Variants in CEP63 observed in about 807,000 individuals in gnomAD.
CEP63 encodes centrosomal protein 63, also known as centrosomal protein of 63 kDa.
A neutral mutation model predicts 89.1 loss-of-function variants in CEP63; 84 were observed. That is an observed-to-expected ratio of 0.94 (90% CI 0.79 to 1.13). The LOEUF (loss-of-function observed/expected upper bound fraction) is 1.13, where lower values mean the gene tolerates loss of function less well. Ranked by LOEUF, CEP63 falls within the 50% of genes most tolerant of loss-of-function variation. The pLI is 0.00. For missense variants in CEP63, 838 were observed against 813.3 expected, an observed-to-expected ratio of 1.03 and a Z score of -0.37; for synonymous variants, 267 against 272.5, an observed-to-expected ratio of 0.98 and a Z score of 0.20.
the CEP63 span, among the ~76,000 whole-genome samples, chr3:134,661,816 CT>C: frequency 1.3e-5 from 2 of 151,270 alleles, no homozygotes; most frequent in Non-Finnish European, 3.0e-5. Flanking sequence ...TGCCCCCCCC[CT>C]CAAATTCATA....
At chr3:134,533,973 T>A (rs141088107) in intron 5 of CEP63, among the ~76,000 whole-genome samples, 6 of 152,200 alleles carry the variant, frequency 3.9e-5, no homozygotes, top group African/African-American at 1.4e-4. Flanking sequence ...CAATACCTTT[T>A]CCCCCCAAAC....
At chr3:134,643,318 T>C in the CEP63 span, 3 of 1,613,710 alleles carry the variant, frequency 1.9e-6, no homozygotes, top group Non-Finnish European at 2.5e-6. Flanking sequence ...TCACTTACCT[T>C]GGCTGTTGTA....
At position 134,549,159 on chromosome 3, in the gene CEP63, A is replaced by G. The variant is rs777367621; in HGVS notation, c.1165A>G (p.Lys389Glu). Residue 389 changes from lysine to glutamate, a missense_variant, in exon 10 of 15, where the codon AAA becomes GAA. Lys to Glu is a moderately conservative substitution (Grantham distance 56, BLOSUM62 1). Coordinates refer to ENST00000675561, the MANE Select transcript of CEP63 (RefSeq NM_001353108.3). Reference protein sequence around the residue: ...KRMEAHNNEYKAEIKKLKEQI... With the variant: ...KRMEAHNNEYEAEIKKLKEQI... ...GATGGAAGCACATAACAATGAATAC[A>G]AAGCAGAGATTAAGAAGGTAAAAAT... The G allele has an allele frequency of 3.7e-6, 6 of 1,608,292 alleles. No homozygotes were observed. Among genetic ancestry groups the G allele is most frequent in the Non-Finnish European group, 5.1e-6 (6 of 1,174,756 alleles).
the CEP63 span, among the ~76,000 whole-genome samples, chr3:134,673,644 G>A: frequency 6.6e-6 from 1 of 152,106 alleles, no homozygotes; most frequent in African/African-American, 2.4e-5. Context: ...ACCCTGGATT[G>A]TCTCATCTCC....
intron 12 of CEP63, among the ~76,000 whole-genome samples, chr3:134,555,459 A>T (rs1315764537): frequency 1.3e-5 from 2 of 150,406 alleles, no homozygotes; most frequent in Non-Finnish European, 3.0e-5. Context: ...AAAAATCACA[A>T]GCATTCTTAT....
chr3:134,731,766 C>T, the CEP63 span, among the ~76,000 whole-genome samples: 2 of 152,072 alleles, frequency 1.3e-5, no homozygotes, highest in Non-Finnish European at 2.9e-5. Flanking sequence ...TGCTGCTGAA[C>T]ATCTGTAGGG....
the CEP63 span, among the ~76,000 whole-genome samples, chr3:134,754,298 C>T: frequency 6.6e-6 from 1 of 152,224 alleles, no homozygotes; most frequent in Non-Finnish European, 1.5e-5. Flanking sequence ...AGCAGTGGGG[C>T]TAATGCTCAG....
chr3:134,596,914 G>A, the CEP63 span, among the ~76,000 whole-genome samples: 3 of 152,314 alleles, frequency 2.0e-5, no homozygotes, highest in Admixed American at 2.0e-4. Flanking sequence ...CTGACAGAGT[G>A]GTGGGCTGGC....
chr3:134,595,172 T>C, the CEP63 span, among the ~76,000 whole-genome samples: 1 of 152,170 alleles, frequency 6.6e-6, no homozygotes, highest in Admixed American at 6.5e-5. Context: ...AATTTAATCA[T>C]GGGGGTGGTT....
intron 2 of CEP63, among the ~76,000 whole-genome samples, 168 bp downstream of exon 2, chr3:134,495,532 C>T (rs1434263681): frequency 6.6e-6 from 1 of 152,084 alleles, no homozygotes; most frequent in Non-Finnish European, 1.5e-5. Context: ...GGGAACATTT[C>T]AATTCTTCTA....
chr3:134,563,009 TGTCTTAGATACCTA>T lies in CEP63; in HGVS notation c.*1476_*1489del, dbSNP rs1957482055. 2 of 152,274 alleles carry T rather than the reference TGTCTTAGATACCTA, an allele frequency of 1.3e-5. No individual in the cohort carries two copies. The highest frequency in any genetic ancestry group is 4.8e-5 in the African/African-American group (2 of 41,462). The allele number at this position is 152,274 out of a possible 1,614,324, so 9.4% of individuals were successfully genotyped here. A position where few individuals can be genotyped will look rare whatever the true frequency, so the allele number is the denominator to read the frequency against. ...AATCTTGACCTCTCCCCAGAGCTGC[TGTCTTAGATACCTA>T]GCTGCTTATGCGATGTCTTCACTTG... is the stretch of plus-strand genomic sequence containing the variant. On this transcript the variant is annotated 3_prime_UTR_variant, in exon 15 of 15. Coordinates refer to ENST00000675561, the MANE Select transcript of CEP63 (RefSeq NM_001353108.3).
chr3:134,650,998 A>G, the CEP63 span: 1 of 1,611,790 alleles, frequency 6.2e-7, no homozygotes, highest in Non-Finnish European at 8.5e-7. Context: ...CCGCGGCCGC[A>G]CGCTAGGCTG....
At chr3:134,560,192 A>G (rs1294746317) in intron 14 of CEP63, among the ~76,000 whole-genome samples, 1 of 152,232 alleles carries the variant, frequency 6.6e-6, no homozygotes, top group Non-Finnish European at 1.5e-5. Context: ...TAGTATGTAT[A>G]GACTTTCTCT....
intron 2 of CEP63, among the ~76,000 whole-genome samples, chr3:134,503,764 T>C (rs1220996810): frequency 1.3e-5 from 2 of 152,170 alleles, no homozygotes; most frequent in African/African-American, 2.4e-5. Context: ...AATGACCTTC[T>C]TTGTCAGTTT....
chr3:134,695,638 A>AG, the CEP63 span, among the ~76,000 whole-genome samples: 1 of 152,190 alleles, frequency 6.6e-6, no homozygotes. Context: ...GAAGGAAAGA[A>AG]GGGGCTCTGG....
At chr3:134,485,934 G>A (rs1935110980), upstream of CEP63, 1 of 968,714 alleles carries the variant, frequency 1.0e-6, no homozygotes, top group South Asian at 4.8e-5. Flanking sequence ...CTAGGCCGGG[G>A]GCGCTGGAAA....
chr3:134,500,354 A>G (rs568594921), intron 2 of CEP63, among the ~76,000 whole-genome samples: 1 of 152,172 alleles, frequency 6.6e-6, no homozygotes, highest in Non-Finnish European at 1.5e-5. Flanking sequence ...CAATGGGTAC[A>G]TAGGTTGGTT....
At chr3:134,733,530 A>G in the CEP63 span, among the ~76,000 whole-genome samples, 1 of 152,204 alleles carries the variant, frequency 6.6e-6, no homozygotes, top group Non-Finnish European at 1.5e-5. Context: ...ATCAATTAAG[A>G]TGAGGTTATA....
chr3:134,627,084 T>A, the CEP63 span, among the ~76,000 whole-genome samples: 1 of 152,208 alleles, frequency 6.6e-6, no homozygotes. Context: ...TTACTAGTTT[T>A]CCCCTTTCTT....
Sources: allele counts gnomAD v4.1 joint callset (sites outside exome capture counted in the v4.1 genomes callset), GRCh38; gene constraint gnomAD v4.1.1; transcripts MANE v1.5; gene names NCBI Gene and HGNC (gene_info 2026-07-23, HGNC 2026-07-21).